The following AHI1 variants were observed in gnomAD, a reference collection of about 807,000 sequenced individuals.
AHI1 encodes the protein jouberin.
In AHI1, 123 loss-of-function variants were observed where a neutral mutation model predicts 149.3. That is an observed-to-expected ratio of 0.82 (90% CI 0.71 to 0.96). The LOEUF (loss-of-function observed/expected upper bound fraction) is 0.96, where lower values mean the gene tolerates loss of function less well. AHI1 is among the 40% of genes least tolerant of loss of function. The probability of loss-of-function intolerance (pLI) is 0.00; values close to 1 mark genes in which losing one functional copy is unlikely to be tolerated. For missense variants in AHI1, 1,439 were observed against 1,422.7 expected, an observed-to-expected ratio of 1.01 and a Z score of -0.18; for synonymous variants, 475 against 459.8, an observed-to-expected ratio of 1.03 and a Z score of -0.42.
intron 28 of AHI1, among the ~76,000 whole-genome samples, chr6:135,286,188 G>A (rs992118185): frequency 6.6e-6 from 1 of 152,160 alleles, no homozygotes; most frequent in Non-Finnish European, 1.5e-5. Flanking sequence ...GACCAAGATA[G>A]TAACAATCAA....
chr6:135,425,152 G>C (rs1365290385), intron 20 of AHI1, among the ~76,000 whole-genome samples: 1 of 151,872 alleles, frequency 6.6e-6, no homozygotes, highest in Non-Finnish European at 1.5e-5. Context: ...TAATTTGTTT[G>C]TAAAGGTGTG....
At chr6:135,456,692 C>T (rs1426664526) in intron 9 of AHI1, among the ~76,000 whole-genome samples, 2 of 152,114 alleles carry the variant, frequency 1.3e-5, no homozygotes, top group Admixed American at 6.5e-5. Context: ...TGTTTCCATT[C>T]CCCACTGGCT....
chr6:135,393,086 T>C (rs539516638), intron 23 of AHI1, among the ~76,000 whole-genome samples: 10 of 152,176 alleles, frequency 6.6e-5, no homozygotes, highest in African/African-American at 2.2e-4. Flanking sequence ...GATATAAATA[T>C]CCCTCTTATG....
intron 24 of AHI1, among the ~76,000 whole-genome samples, chr6:135,341,347 A>G (rs1248951450): frequency 1.3e-5 from 2 of 152,032 alleles, no homozygotes; most frequent in African/African-American, 4.8e-5. Flanking sequence ...AAACTCACTC[A>G]CTAGAGACAA....
At chr6:135,310,287 A>G (rs1273217502) in intron 26 of AHI1, among the ~76,000 whole-genome samples, 2 of 152,206 alleles carry the variant, frequency 1.3e-5, no homozygotes, top group African/African-American at 4.8e-5. Context: ...GTTATACAGC[A>G]CAATTATTAG....
Position 135,399,992 on chromosome 6 carries a change from A to T in AHI1, c.2988+4959T>A, listed in dbSNP as rs372419953. On this transcript the variant is annotated intron_variant, in intron 22 of 28. Transcript: ENST00000265602. ...AGGGACTTGTATGGATTATTACATC[A>T]CACGGGTATTAAGTCCAGTCCCCAA... Among the ~76,000 whole-genome samples the T allele has an allele frequency of 2.0e-3, 308 of 152,202 alleles. 4 individuals are homozygous for T. The highest frequency in any genetic ancestry group is 6.8e-3 in the African/African-American group (281 of 41,524).
At chr6:135,438,354 G>A (rs1785732809) in intron 15 of AHI1, 21 bp downstream of exon 15, 2 of 1,572,176 alleles carry the variant, frequency 1.3e-6, no homozygotes, top group Admixed American at 1.8e-5. Flanking sequence ...ATGCACATAA[G>A]TACTTCTCAA....
At chr6:135,383,704 A>T (rs1171780873) in intron 23 of AHI1, among the ~76,000 whole-genome samples, 2 of 152,254 alleles carry the variant, frequency 1.3e-5, no homozygotes, top group African/African-American at 2.4e-5. Context: ...TTTTATAACA[A>T]CATCATTTTA....
At chr6:135,322,357 T>C (rs1786987998) in intron 25 of AHI1, among the ~76,000 whole-genome samples, 2 of 152,160 alleles carry the variant, frequency 1.3e-5, no homozygotes, top group African/African-American at 2.4e-5. Context: ...TTAATGACAG[T>C]TTTAAGTTAT....
intron 24 of AHI1, among the ~76,000 whole-genome samples, chr6:135,343,433 C>T (rs962466743): frequency 6.6e-6 from 1 of 151,572 alleles, no homozygotes; most frequent in African/African-American, 2.4e-5. Flanking sequence ...TCTAAAATAA[C>T]CAAAACAATC....
chr6:135,469,464 T>C (rs1188996359), intron 5 of AHI1, among the ~76,000 whole-genome samples: 1 of 152,130 alleles, frequency 6.6e-6, no homozygotes, highest in Non-Finnish European at 1.5e-5. Flanking sequence ...TTCACAGAAT[T>C]AGAAAAAACT....
intron 10 of AHI1, among the ~76,000 whole-genome samples, 192 bp downstream of exon 10, chr6:135,455,542 A>G (rs1457816175): frequency 2.6e-5 from 4 of 152,232 alleles, no homozygotes; most frequent in African/African-American, 9.6e-5. Flanking sequence ...GTAAACACTC[A>G]GCAAATATGC....
chr6:135,467,377 A>G (rs1451273905), intron 6 of AHI1, among the ~76,000 whole-genome samples: 2 of 152,236 alleles, frequency 1.3e-5, no homozygotes, highest in African/African-American at 4.8e-5. Flanking sequence ...TATAGTTAAT[A>G]TTAATAAAGA....
chr6:135,293,392 C>CAAAAAAAAAAAA (rs1175955601), intron 27 of AHI1, among the ~76,000 whole-genome samples: 15 of 20,010 alleles, frequency 7.5e-4, no homozygotes, highest in South Asian at 1.7e-3. Flanking sequence ...GTTAACAGGG[C>CAAAAAAAAAAAA]AAAAAAAAAA....
chr6:135,452,482 C>G (rs1463672392), intron 11 of AHI1, among the ~76,000 whole-genome samples: 1 of 152,142 alleles, frequency 6.6e-6, no homozygotes, highest in East Asian at 1.9e-4. Flanking sequence ...TAAGAATTTC[C>G]TAATGTGATT....
At chr6:135,286,575 C>A (rs974897389) in intron 28 of AHI1, 1 of 152,228 alleles carries the variant, frequency 6.6e-6, no homozygotes, top group Non-Finnish European at 1.5e-5. Context: ...CAATGGCTAA[C>A]CATTCCTGAA....
intron 22 of AHI1, among the ~76,000 whole-genome samples, chr6:135,401,851 A>T (rs776668686): frequency 1.3e-5 from 2 of 152,186 alleles, no homozygotes; most frequent in Non-Finnish European, 2.9e-5. Flanking sequence ...TCATAAAAAA[A>T]CCTTTTTGTT....
At chr6:135,390,545 G>A (rs1250092362) in intron 23 of AHI1, among the ~76,000 whole-genome samples, 2 of 152,164 alleles carry the variant, frequency 1.3e-5, no homozygotes, top group Non-Finnish European at 2.9e-5. Flanking sequence ...GTCTCCCTGA[G>A]GGCTGTGAGC....
chr6:135,352,712 T>TATACACAC (rs1554289086), intron 24 of AHI1, among the ~76,000 whole-genome samples: 2 of 145,492 alleles, frequency 1.4e-5, no homozygotes. Flanking sequence ...TATATATATA[T>TATACACAC]ACACACACAC....
Sources: gnomAD v4.1 joint callset for allele counts (sites outside exome capture counted in the v4.1 genomes callset) on GRCh38, gnomAD v4.1.1 for gene constraint, MANE v1.5 for transcripts, NCBI Gene and HGNC (gene_info 2026-07-23, HGNC 2026-07-21) for gene names.